The following ZNF609 variants were observed in gnomAD, a reference collection of about 807,000 sequenced individuals.
ZNF609 encodes the protein zinc finger protein 609.
In ZNF609, 11 loss-of-function variants were observed where a neutral mutation model predicts 109.5. The observed-to-expected ratio is 0.10, with a 90% CI of 0.06 to 0.17. ZNF609 has a LOEUF of 0.17. Ranked by LOEUF, ZNF609 falls within the 10% of genes least tolerant of loss-of-function variation. The pLI is 1.00. For synonymous variants in ZNF609, 646 were observed against 662.0 expected, an observed-to-expected ratio of 0.98 and a Z score of 0.37; for missense variants, 1,559 against 1,772.4, an observed-to-expected ratio of 0.88 and a Z score of 2.16.
In ZNF609 at chr15:64,623,012, C is replaced by T. The variant is rs148975948; in HGVS notation, c.933C>T (p.Ser311=). Residue 311 remains serine (S), a synonymous_variant, in exon 3 of 10, where the codon AGC becomes AGT. Transcript: ENST00000326648. ...TGGGCCCCTGTGAACCTGGAACTAG[C>T]GTCAACCTTGAAGGCATCGTGTGGC... The part of the protein sequence containing the change: ...ECLGPCEPGT[S]VNLEGIVWQE... 75 of 1,614,224 alleles carry T rather than the reference C, an allele frequency of 4.6e-5. No homozygotes were observed. In the African/African-American group the frequency reaches 6.4e-4, roughly 14 times the overall value.
intron 4 of ZNF609, 44 bp downstream of exon 4, chr15:64,670,477 C>G (rs752240168): frequency 2.1e-5 from 32 of 1,505,182 alleles, no homozygotes; most frequent in Non-Finnish European, 2.8e-5. Flanking sequence ...CTGAACCACA[C>G]TAATTGGTGA....
At chr15:64,571,906 A>G (rs1567017598) in intron 2 of ZNF609, among the ~76,000 whole-genome samples, 1 of 152,184 alleles carries the variant, frequency 6.6e-6, no homozygotes. Flanking sequence ...TCCTGACCTC[A>G]AGTGATCTCA....
chr15:64,558,242 T>G (rs914371312), intron 2 of ZNF609, among the ~76,000 whole-genome samples: 1 of 152,184 alleles, frequency 6.6e-6, no homozygotes, highest in South Asian at 2.1e-4. Context: ...TGTCACCCTT[T>G]GATTTCCCCT....
intron 3 of ZNF609, among the ~76,000 whole-genome samples, chr15:64,634,245 C>A (rs573945317): frequency 6.6e-6 from 1 of 152,254 alleles, no homozygotes; most frequent in African/African-American, 2.4e-5. Context: ...ACTTCAAACT[C>A]TGTGGTTGAG....
chr15:64,527,344 T>TGGGC (rs1199479381), intron 2 of ZNF609, among the ~76,000 whole-genome samples: 1 of 150,528 alleles, frequency 6.6e-6, no homozygotes, highest in Non-Finnish European at 1.5e-5. Flanking sequence ...ATGGAGGTGA[T>TGGGC]GGGCATATTT....
rs939890308 is a variant in ZNF609 at position 64,529,307 on chromosome 15, G to A, written c.747+29141G>A. The A allele has an allele frequency of 8.6e-5, 62 of 718,584 alleles. No individual in the cohort carries two copies. The East Asian group carries it at 1.3e-3, about 16-fold the overall frequency. 44.5% of individuals were successfully genotyped at this position (718,584 alleles called of 1,614,324 possible). A position where few individuals can be genotyped will look rare whatever the true frequency, so the allele number is the denominator to read the frequency against. On this transcript the variant is annotated intron_variant, in intron 2 of 9. Transcript: ENST00000326648. ...TGGGGGCATCAACAGAGAGGACAGAGATGTTGACCCTTTTGGCTCCCCCCT... is the reference window on the plus strand; with the variant it reads ...TGGGGGCATCAACAGAGAGGACAGAAATGTTGACCCTTTTGGCTCCCCCCT...
At chr15:64,651,159 T>G (rs1052904584) in intron 3 of ZNF609, among the ~76,000 whole-genome samples, 2 of 152,192 alleles carry the variant, frequency 1.3e-5, no homozygotes, top group Non-Finnish European at 2.9e-5. Context: ...AGCCTGGTCC[T>G]ATTTACTTTC....
intron 2 of ZNF609, among the ~76,000 whole-genome samples, chr15:64,523,554 T>TC (rs1176190091): frequency 6.6e-6 from 1 of 151,934 alleles, no homozygotes; most frequent in Non-Finnish European, 1.5e-5. Flanking sequence ...GGCGGGAGGA[T>TC]CAGGAGTTCG....
At chr15:64,616,514 CTTTTTTTTTTTTT>C (rs56145140) in intron 2 of ZNF609, among the ~76,000 whole-genome samples, 10 of 66,918 alleles carry the variant, frequency 1.5e-4, no homozygotes, top group Admixed American at 2.4e-4. Flanking sequence ...AAACTGATAT[CTTTTTTTTTTTTT>C]TTTTTTTTTT....
intron 2 of ZNF609, among the ~76,000 whole-genome samples, chr15:64,539,403 T>C (rs1031290413): frequency 2.0e-4 from 31 of 151,770 alleles, no homozygotes; most frequent in Admixed American, 2.0e-3. Flanking sequence ...GAGACGGGGT[T>C]TCACCATGTT....
chr15:64,523,367 T>C (rs1893920941), intron 2 of ZNF609, among the ~76,000 whole-genome samples: 1 of 152,236 alleles, frequency 6.6e-6, no homozygotes, highest in Non-Finnish European at 1.5e-5. Flanking sequence ...TCTTTGGAAC[T>C]GTTGTCAGCA....
At chr15:64,665,492 C>CTGT (rs1195999961) in intron 3 of ZNF609, among the ~76,000 whole-genome samples, 28 of 152,228 alleles carry the variant, frequency 1.8e-4, no homozygotes, top group Non-Finnish European at 3.5e-4. Flanking sequence ...TGGCTCATGC[C>CTGT]TGTAATCCCA....
intron 2 of ZNF609, among the ~76,000 whole-genome samples, chr15:64,524,461 G>A (rs890595151): frequency 7.9e-5 from 12 of 151,998 alleles, no homozygotes; most frequent in Admixed American, 7.9e-4. Flanking sequence ...CTACTTGGGA[G>A]GCTGAGGCAG....
chr15:64,561,674 G>A (rs1250993170), intron 2 of ZNF609, among the ~76,000 whole-genome samples: 1 of 151,622 alleles, frequency 6.6e-6, no homozygotes, highest in Non-Finnish European at 1.5e-5. Context: ...GGGATTACAG[G>A]TGTGAGCCAC....
chr15:64,512,430 T>C lies in ZNF609; in HGVS notation c.747+12264T>C, dbSNP rs566693811. Among the ~76,000 whole-genome samples the C allele has an allele frequency of 1.4e-4, 22 of 152,352 alleles. No individual in the cohort carries two copies. In the East Asian group the frequency reaches 4.0e-3, roughly 28 times the overall value. On this transcript the variant is annotated intron_variant, in intron 2 of 9. Coordinates refer to ENST00000326648, the MANE Select transcript of ZNF609 (RefSeq NM_015042.2). ...GCTAATCCAAAACCAGTCTCTTTTC[T>C]CATTGGTTTGTGAATGTATTTCTGT...
chr15:64,542,572 A>G (rs149936877), intron 2 of ZNF609, among the ~76,000 whole-genome samples: 2 of 152,160 alleles, frequency 1.3e-5, no homozygotes, highest in African/African-American at 4.8e-5. Flanking sequence ...AGTGCATCCA[A>G]AGTTTTCATT....
At chr15:64,527,374 C>T (rs1055560948) in intron 2 of ZNF609, among the ~76,000 whole-genome samples, 4 of 149,552 alleles carry the variant, frequency 2.7e-5, no homozygotes, top group Non-Finnish European at 4.4e-5. Flanking sequence ...GGACATGTTA[C>T]GGCCCTGCTT....
chr15:64,509,557 C>G (rs1223378274), intron 2 of ZNF609, among the ~76,000 whole-genome samples: 2 of 152,184 alleles, frequency 1.3e-5, no homozygotes, highest in Non-Finnish European at 2.9e-5. Flanking sequence ...AGCTAATATT[C>G]CAGCTCCTAC....
At chr15:64,612,681 C>T (rs1326275219) in intron 2 of ZNF609, among the ~76,000 whole-genome samples, 1 of 143,668 alleles carries the variant, frequency 7.0e-6, no homozygotes, top group Non-Finnish European at 1.5e-5. Flanking sequence ...TTTACTTTTC[C>T]AAAGGCAGGG....
Sources: gnomAD v4.1 joint callset for allele counts (sites outside exome capture counted in the v4.1 genomes callset) on GRCh38, gnomAD v4.1.1 for gene constraint, MANE v1.5 for transcripts, NCBI Gene and HGNC (gene_info 2026-07-23, HGNC 2026-07-21) for gene names.